DIAPH2: variants seen among roughly 807,000 people sequenced by gnomAD.
DIAPH2 encodes the protein protein diaphanous homolog 2.
DIAPH2 carries 35 observed loss-of-function variants against 92.7 expected under a neutral mutation model. The ratio of observed to expected loss-of-function variants is 0.38; its 90% CI spans 0.29 to 0.50. The LOEUF (loss-of-function observed/expected upper bound fraction) is 0.50. DIAPH2 is among the 20% of genes least tolerant of loss of function. The pLI is 0.94. For synonymous variants in DIAPH2, 301 were observed against 280.4 expected, an observed-to-expected ratio of 1.07 and a Z score of -0.73; for missense variants, 701 against 819.5, an observed-to-expected ratio of 0.86 and a Z score of 1.77.
intron 25 of DIAPH2, among the ~76,000 whole-genome samples, chrX:97,397,302 G>A (rs764471564): frequency 9.0e-6 from 1 of 111,643 alleles, no homozygotes; most frequent in African/African-American, 3.3e-5. Flanking sequence ...ATTAACTATG[G>A]ATGGCATAAT....
intron 17 of DIAPH2, among the ~76,000 whole-genome samples, chrX:97,016,876 G>A (rs187488316): frequency 8.0e-5 from 9 of 112,512 alleles, no homozygotes. Context: ...TCATGGTTGT[G>A]TGATAAGAAA....
intron 24 of DIAPH2, among the ~76,000 whole-genome samples, chrX:97,365,532 C>G (rs1052600175): frequency 9.0e-6 from 1 of 110,912 alleles, no homozygotes; most frequent in Non-Finnish European, 1.9e-5. Context: ...CGCACAGTCT[C>G]CCTTCTACCT....
At chrX:96,827,038 A>G (rs906012320) in intron 4 of DIAPH2, among the ~76,000 whole-genome samples, 1 of 112,612 alleles carries the variant, frequency 8.9e-6, no homozygotes, top group Non-Finnish European at 1.9e-5. Context: ...AACATTTGAA[A>G]CACAATTATT....
intron 4 of DIAPH2, among the ~76,000 whole-genome samples, chrX:96,879,446 C>T (rs1267240299): frequency 1.8e-5 from 2 of 111,567 alleles, no homozygotes; most frequent in Non-Finnish European, 3.8e-5. Context: ...TATGTGACTA[C>T]AGACTTGAAA....
intron 26 of DIAPH2, among the ~76,000 whole-genome samples, chrX:97,437,773 C>CAT (rs2070202912): frequency 9.1e-6 from 1 of 109,490 alleles, no homozygotes; most frequent in Admixed American, 9.9e-5. Flanking sequence ...CACACACACA[C>CAT]ACACACACAC....
intron 4 of DIAPH2, among the ~76,000 whole-genome samples, chrX:96,759,176 AT>A (rs1238476520): frequency 9.0e-6 from 1 of 111,100 alleles, no homozygotes; most frequent in Non-Finnish European, 1.9e-5. Flanking sequence ...TAAGTTGACC[AT>A]TGCAGAAAAC....
chrX:96,703,473 G>A (rs1386393721), intron 1 of DIAPH2, among the ~76,000 whole-genome samples: 3 of 111,668 alleles, frequency 2.7e-5, no homozygotes, highest in African/African-American at 6.5e-5. Context: ...CTGTTTTACA[G>A]CAACTTAATT....
At chrX:97,146,007 CTTTTTTTTT>C (rs372292277) in intron 22 of DIAPH2, among the ~76,000 whole-genome samples, 4 of 43,169 alleles carry the variant, frequency 9.3e-5, no homozygotes, top group South Asian at 3.4e-3. Context: ...TTTCTTCTTC[CTTTTTTTTT>C]TTTTTTTTTT....
intron 1 of DIAPH2, among the ~76,000 whole-genome samples, chrX:96,729,891 TG>T (rs2064044207): frequency 8.9e-6 from 1 of 112,066 alleles, no homozygotes; most frequent in Admixed American, 9.5e-5. Flanking sequence ...AATGATGAAA[TG>T]GACAGTTCAA....
At chrX:97,373,698 C>G (rs935629903) in intron 24 of DIAPH2, among the ~76,000 whole-genome samples, 21 of 104,861 alleles carry the variant, frequency 2.0e-4, no homozygotes, top group African/African-American at 7.0e-4. Flanking sequence ...CCTCCGCCTC[C>G]CAGGTTCAAG....
intron 5 of DIAPH2, among the ~76,000 whole-genome samples, chrX:96,893,894 G>A (rs753789372): frequency 4.5e-5 from 5 of 111,947 alleles, no homozygotes; most frequent in African/African-American, 1.6e-4. Context: ...CCAGCTGTTC[G>A]ACTGGTGGTA....
At chrX:97,294,748 G>A (rs926529146) in intron 23 of DIAPH2, among the ~76,000 whole-genome samples, 14 of 111,466 alleles carry the variant, frequency 1.3e-4, no homozygotes, top group Admixed American at 1.2e-3. Flanking sequence ...GTAAAATTGC[G>A]AGTAATTTTT....
intron 25 of DIAPH2, among the ~76,000 whole-genome samples, chrX:97,417,771 A>G (rs980851781): frequency 1.8e-5 from 2 of 110,037 alleles, no homozygotes; most frequent in Non-Finnish European, 3.8e-5. Context: ...AGAAGGATAC[A>G]CTCCAAGACC....
Position 97,202,859 on chromosome X carries a change from C to A in DIAPH2, c.2720-44856C>A, listed in dbSNP as rs750308572. Among the ~76,000 whole-genome samples the A allele has an allele frequency of 2.7e-5, 3 of 112,302 alleles. No individual in the cohort carries two copies. The East Asian group carries it at 8.4e-4, about 31-fold the overall frequency. ...TAATAGACATCTACAGAACTCTTGA[C>A]ACCAAATCAACAGAATATACATTCT... On this transcript the variant is annotated intron_variant, in intron 22 of 26. Transcript: ENST00000324765.
At chrX:96,995,783 T>A (rs2066101171) in intron 17 of DIAPH2, among the ~76,000 whole-genome samples, 1 of 109,566 alleles carries the variant, frequency 9.1e-6, no homozygotes, top group South Asian at 4.0e-4. Context: ...GCTACTGTCT[T>A]ATAGGCAGTA....
intron 20 of DIAPH2, among the ~76,000 whole-genome samples, chrX:97,108,162 T>C (rs1363704597): frequency 1.8e-5 from 2 of 110,906 alleles, no homozygotes; most frequent in African/African-American, 6.6e-5. Context: ...AAGCTGTCAA[T>C]GCACTTCTTT....
intron 23 of DIAPH2, among the ~76,000 whole-genome samples, chrX:97,293,243 CTTTTTT>C (rs1184478622): frequency 1.6e-5 from 1 of 63,216 alleles, no homozygotes; most frequent in African/African-American, 6.4e-5. Context: ...ATATTTCTTT[CTTTTTT>C]TTTTTTTTTT....
chrX:96,751,036 T>C lies in DIAPH2; in HGVS notation c.343-7118T>C, dbSNP rs763020104. On this transcript the variant is annotated intron_variant, in intron 3 of 26. Transcript: ENST00000324765. ...GGTACTGGATTTGAGTATAACATTC[T>C]AATTATTGCGGAGAAAAATGACGAA... Among the ~76,000 whole-genome samples, 323 of 112,504 alleles carry C rather than the reference T, an allele frequency of 2.9e-3. 2 individuals carry two copies. Among genetic ancestry groups the C allele is most frequent in the Non-Finnish European group, 5.0e-3 (267 of 53,321 alleles).
At chrX:97,176,648 C>T (rs763493041) in intron 22 of DIAPH2, among the ~76,000 whole-genome samples, 3 of 111,223 alleles carry the variant, frequency 2.7e-5, no homozygotes, top group African/African-American at 9.8e-5. Context: ...CTGCCTCAGC[C>T]TCCCGAGTAG....
Sources: allele counts gnomAD v4.1 joint callset (sites outside exome capture counted in the v4.1 genomes callset), GRCh38; gene constraint gnomAD v4.1.1; transcripts MANE v1.5; gene names NCBI Gene and HGNC (gene_info 2026-07-23, HGNC 2026-07-21).